Variants in PPARGC1A observed in about 807,000 individuals in gnomAD.
PPARGC1A encodes peroxisome proliferator-activated receptor gamma coactivator 1-alpha.
A neutral mutation model predicts 88.7 loss-of-function variants in PPARGC1A; 25 were observed. That is an observed-to-expected ratio of 0.28 (90% CI 0.21 to 0.39). PPARGC1A has a LOEUF of 0.39. Among genes scored for constraint, PPARGC1A ranks in the 10% least tolerant of loss-of-function variants. The pLI, the probability that PPARGC1A is intolerant of heterozygous loss-of-function variation, is 1.00. For missense variants in PPARGC1A, 880 were observed against 968.7 expected, an observed-to-expected ratio of 0.91 and a Z score of 1.22; for synonymous variants, 363 against 355.6, an observed-to-expected ratio of 1.02 and a Z score of -0.24.
At chr4:24,303,714 A>G in the PPARGC1A span, among the ~76,000 whole-genome samples, 1 of 152,102 alleles carries the variant, frequency 6.6e-6, no homozygotes, top group Non-Finnish European at 1.5e-5. Flanking sequence ...CAATTCCTCA[A>G]TTTTTTTCCA....
upstream of PPARGC1A, among the ~76,000 whole-genome samples, chr4:23,899,559 T>C (rs116375429): frequency 8.9e-3 from 1,351 of 152,300 alleles, 15 homozygotes; most frequent in African/African-American, 0.031. Context: ...ATTTTATACT[T>C]GAAAGTATGG....
chr4:24,317,815 C>T, the PPARGC1A span, among the ~76,000 whole-genome samples: 6 of 152,022 alleles, frequency 3.9e-5, no homozygotes, highest in African/African-American at 7.2e-5. Flanking sequence ...CCTACCAAGA[C>T]GAACGTGCCC....
At chr4:24,439,239 A>T in the PPARGC1A span, among the ~76,000 whole-genome samples, 1 of 152,168 alleles carries the variant, frequency 6.6e-6, no homozygotes, top group Non-Finnish European at 1.5e-5. Context: ...TCCAACCCCT[A>T]AGGCTAAACG....
At position 23,828,613 on chromosome 4, in the gene PPARGC1A, C is replaced by T; in HGVS notation, c.553-9G>A. 1.9e-6 allele frequency: 3 copies of T among 1,613,568 alleles called. No homozygotes were observed. Among genetic ancestry groups the T allele is most frequent in the Non-Finnish European group, 1.7e-6 (2 of 1,179,590 alleles). Reference sequence around the variant, plus strand: ...CTCCATGAATTCTCAGTCTTAAAAACAAGGCATAAAGAAAGCTAAAATTAG... The same window carrying T: ...CTCCATGAATTCTCAGTCTTAAAAATAAGGCATAAAGAAAGCTAAAATTAG... On this transcript the variant is annotated splice_polypyrimidine_tract_variant and intron_variant, in intron 4 of 12. Coordinates refer to ENST00000264867, the MANE Select transcript of PPARGC1A (RefSeq NM_013261.5).
At chr4:24,038,401 C>T in the PPARGC1A span, among the ~76,000 whole-genome samples, 1 of 152,136 alleles carries the variant, frequency 6.6e-6, no homozygotes, top group Non-Finnish European at 1.5e-5. Context: ...AGCACCTATC[C>T]TCCATAACTT....
At chr4:23,923,140 T>C in the PPARGC1A span, among the ~76,000 whole-genome samples, 1 of 151,798 alleles carries the variant, frequency 6.6e-6, no homozygotes, top group Non-Finnish European at 1.5e-5. Context: ...TTTTTTTATT[T>C]TTGGTGAAAC....
the PPARGC1A span, among the ~76,000 whole-genome samples, chr4:24,064,033 C>T: frequency 6.6e-6 from 1 of 152,172 alleles, no homozygotes; most frequent in African/African-American, 2.4e-5. Context: ...TGGCCAGACG[C>T]CCACATCTGA....
At chr4:24,101,435 T>G in the PPARGC1A span, among the ~76,000 whole-genome samples, 165 of 152,340 alleles carry the variant, frequency 1.1e-3, no homozygotes, top group African/African-American at 3.7e-3. Context: ...AAGAATGGAC[T>G]AATATAACTT....
chr4:24,198,655 C>T, the PPARGC1A span, among the ~76,000 whole-genome samples: 2 of 152,160 alleles, frequency 1.3e-5, no homozygotes, highest in Non-Finnish European at 2.9e-5. Flanking sequence ...GGGTTGGGTT[C>T]CTCGAGCCTA....
the PPARGC1A span, among the ~76,000 whole-genome samples, chr4:24,075,289 G>T: frequency 6.6e-6 from 1 of 152,164 alleles, no homozygotes; most frequent in Non-Finnish European, 1.5e-5. Context: ...ACACAGAGAT[G>T]GTGGTGGTGT....
chr4:24,452,144 T>G, the PPARGC1A span, among the ~76,000 whole-genome samples: 4 of 151,542 alleles, frequency 2.6e-5, no homozygotes, highest in Non-Finnish European at 5.9e-5. Flanking sequence ...AACTCTCCCC[T>G]GGATCTCCAA....
At chr4:23,844,595 AATTAT>A (rs1448459611) in intron 2 of PPARGC1A, among the ~76,000 whole-genome samples, 3 of 108,916 alleles carry the variant, frequency 2.8e-5, no homozygotes, top group African/African-American at 3.8e-5. Flanking sequence ...TAATAATTAT[AATTAT>A]ATTATATAGT....
At chr4:24,262,661 G>C in the PPARGC1A span, among the ~76,000 whole-genome samples, 2 of 152,084 alleles carry the variant, frequency 1.3e-5, no homozygotes, top group Non-Finnish European at 2.9e-5. Flanking sequence ...TCCAAGAATG[G>C]TTTATAAAAG....
chr4:23,853,553 G>C (rs535863893), intron 2 of PPARGC1A, among the ~76,000 whole-genome samples: 1 of 152,264 alleles, frequency 6.6e-6, no homozygotes, highest in African/African-American at 2.4e-5. Flanking sequence ...TAAGCACTTA[G>C]GCACTGTGAA....
intron 7 of PPARGC1A, among the ~76,000 whole-genome samples, chr4:23,814,861 A>G (rs989493707): frequency 6.6e-6 from 1 of 152,074 alleles, no homozygotes; most frequent in Non-Finnish European, 1.5e-5. Context: ...TCAAACACCA[A>G]TGCTAACAAA....
chr4:24,373,151 G>A, the PPARGC1A span, among the ~76,000 whole-genome samples: 2 of 152,182 alleles, frequency 1.3e-5, no homozygotes, highest in Non-Finnish European at 2.9e-5. Context: ...GGCCAGTCCC[G>A]GACTCCTGCG....
the PPARGC1A span, among the ~76,000 whole-genome samples, chr4:24,162,012 A>C: frequency 1.4e-5 from 2 of 139,036 alleles, no homozygotes; most frequent in African/African-American, 2.7e-5. Context: ...ACACACACAC[A>C]CCATGGAATA....
At chr4:24,408,862 C>G in the PPARGC1A span, among the ~76,000 whole-genome samples, 2 of 152,200 alleles carry the variant, frequency 1.3e-5, no homozygotes, top group Non-Finnish European at 2.9e-5. Context: ...AACATAACAA[C>G]AAACTACTGT....
chr4:24,449,304 C>G, the PPARGC1A span, among the ~76,000 whole-genome samples: 1 of 152,230 alleles, frequency 6.6e-6, no homozygotes. Flanking sequence ...AACTCTTTCT[C>G]TGATGCAAAC....
Sources: gnomAD v4.1 joint callset for allele counts (sites outside exome capture counted in the v4.1 genomes callset) on GRCh38, gnomAD v4.1.1 for gene constraint, MANE v1.5 for transcripts, NCBI Gene and HGNC (gene_info 2026-07-23, HGNC 2026-07-21) for gene names.